ADAMTS20: variants seen among roughly 807,000 people sequenced by gnomAD.
The protein encoded by ADAMTS20 is A disintegrin and metalloproteinase with thrombospondin motifs 20.
ADAMTS20 carries 225 observed loss-of-function variants against 260.1 expected under a neutral mutation model. The ratio of observed to expected loss-of-function variants is 0.87; its 90% CI spans 0.78 to 0.97. The LOEUF (loss-of-function observed/expected upper bound fraction) is 0.97, where lower values mean the gene tolerates loss of function less well. Ranked by LOEUF, ADAMTS20 falls within the 50% of genes least tolerant of loss-of-function variation. The pLI is 0.00. For missense variants in ADAMTS20, 2,400 were observed against 2,337.7 expected (o/e 1.03, Z -0.55); for synonymous variants, 802 against 769.5 (o/e 1.04, Z -0.70).
At chr12:43,472,353 C>T (rs1255008388) in intron 7 of ADAMTS20, among the ~76,000 whole-genome samples, 3 of 150,196 alleles carry the variant, frequency 2.0e-5, no homozygotes, top group Admixed American at 1.3e-4. Context: ...ACCAAATCTA[C>T]GTCTGATTGG....
At chr12:43,472,253 G>T (rs1476628269) in intron 7 of ADAMTS20, among the ~76,000 whole-genome samples, 2 of 151,890 alleles carry the variant, frequency 1.3e-5, no homozygotes, top group Non-Finnish European at 2.9e-5. Flanking sequence ...AAGATGAAAT[G>T]AATGAAATGA....
At chr12:43,432,530 C>T in intron 20 of ADAMTS20, 62 bp from the exon 21 acceptor site, 1 of 1,597,100 alleles carries the variant, frequency 6.3e-7, no homozygotes, top group Non-Finnish European at 8.5e-7. Context: ...CAAAATTATA[C>T]TTCAGAGTAA....
At chr12:43,465,488 C>T (rs755451619) in intron 9 of ADAMTS20, among the ~76,000 whole-genome samples, 4 of 151,960 alleles carry the variant, frequency 2.6e-5, no homozygotes, top group Non-Finnish European at 5.9e-5. Flanking sequence ...GTCCGGTATG[C>T]AGAAAGCTCT....
chr12:43,444,913 T>A (rs567478325), intron 15 of ADAMTS20, among the ~76,000 whole-genome samples: 2 of 152,298 alleles, frequency 1.3e-5, no homozygotes, highest in African/African-American at 2.4e-5. Flanking sequence ...AGGCATCACA[T>A]TTTTAGTGTA....
chr12:43,536,324 T>C (rs1943294452), intron 2 of ADAMTS20, among the ~76,000 whole-genome samples: 1 of 152,130 alleles, frequency 6.6e-6, no homozygotes, highest in African/African-American at 2.4e-5. Context: ...ATACCAATTT[T>C]GATAAACTCT....
chr12:43,528,279 GA>G (rs1943169823), intron 3 of ADAMTS20, among the ~76,000 whole-genome samples: 1 of 88,346 alleles, frequency 1.1e-5, no homozygotes, highest in Non-Finnish European at 2.2e-5. Context: ...CATTTTCAAA[GA>G]ATTAGGAAAA....
chr12:43,442,360 C>T (rs536408660), intron 16 of ADAMTS20, among the ~76,000 whole-genome samples: 1 of 151,958 alleles, frequency 6.6e-6, no homozygotes, highest in African/African-American at 2.4e-5. Context: ...CAGATTCCAG[C>T]GATTCTCCTG....
chr12:43,369,994 G>C (rs1378310186), intron 36 of ADAMTS20, among the ~76,000 whole-genome samples: 2 of 152,094 alleles, frequency 1.3e-5, no homozygotes, highest in Non-Finnish European at 2.9e-5. Flanking sequence ...AAACAGGCTG[G>C]AAGGAACACT....
intron 31 of ADAMTS20, among the ~76,000 whole-genome samples, chr12:43,379,414 T>C (rs542808373): frequency 6.6e-6 from 1 of 152,256 alleles, no homozygotes; most frequent in East Asian, 1.9e-4. Flanking sequence ...ATTGTACACA[T>C]GTCCAGGTCT....
At chr12:43,436,201 A>G (rs576175971) in intron 18 of ADAMTS20, among the ~76,000 whole-genome samples, 2 of 152,360 alleles carry the variant, frequency 1.3e-5, no homozygotes, top group East Asian at 3.9e-4. Context: ...GGGAAAGTAA[A>G]TAAGCAACAA....
intron 35 of ADAMTS20, 52 bp from the exon 36 acceptor site, chr12:43,375,564 T>G: frequency 6.3e-7 from 1 of 1,589,696 alleles, no homozygotes; most frequent in Non-Finnish European, 8.6e-7. Context: ...GAGGCCATAA[T>G]GTAGACAAAC....
intron 11 of ADAMTS20, among the ~76,000 whole-genome samples, 193 bp downstream of exon 11, chr12:43,462,702 T>C (rs1382236343): frequency 1.3e-5 from 2 of 152,196 alleles, no homozygotes; most frequent in Non-Finnish European, 2.9e-5. Flanking sequence ...TCATCTGCCA[T>C]AGCTTAGAAA....
intron 3 of ADAMTS20, among the ~76,000 whole-genome samples, chr12:43,522,610 A>C (rs1168371854): frequency 6.6e-6 from 1 of 151,956 alleles, no homozygotes; most frequent in East Asian, 1.9e-4. Context: ...CCATAGCAGA[A>C]CTACACTTCA....
At position 43,490,406 on chromosome 12, in the gene ADAMTS20, C is replaced by T; in HGVS notation, c.1106G>A (p.Cys369Tyr). Reference sequence around the variant, plus strand: ...ACAAAATAACTTACCTAACATGTTACATTTCTCTTTAGATGAACAAATGTC... The same window carrying T: ...ACAAAATAACTTACCTAACATGTTATATTTCTCTTTAGATGAACAAATGTC... ...REDICSSKEK[C>Y]NMLGLSYLGT... is the part of the protein sequence containing the mutation. Residue 369 changes from cysteine to tyrosine, a missense_variant, in exon 7 of 39, where the codon TGT (cysteine) becomes TAT (tyrosine). By Grantham distance (194) the Cys-to-Tyr change is radical (BLOSUM62 -2). Coordinates refer to ENST00000389420, the MANE Select transcript of ADAMTS20 (RefSeq NM_025003.5). 2.3e-6 allele frequency: 3 copies of T among 1,277,100 alleles called. No individual in the cohort carries two copies. Among genetic ancestry groups the T allele is most frequent in the Non-Finnish European group, 3.2e-6 (3 of 943,004 alleles). 79.1% of individuals were successfully genotyped at this position (1,277,100 alleles called of 1,614,324 possible).
At chr12:43,548,928 A>G (rs1189348005) in intron 2 of ADAMTS20, among the ~76,000 whole-genome samples, 3 of 152,054 alleles carry the variant, frequency 2.0e-5, no homozygotes, top group Non-Finnish European at 4.4e-5. Flanking sequence ...AGCAAAGTAC[A>G]TAAATGGGAT....
chr12:43,494,888 A>T (rs1942655160), intron 4 of ADAMTS20, among the ~76,000 whole-genome samples: 2 of 152,334 alleles, frequency 1.3e-5, no homozygotes, highest in Admixed American at 6.5e-5. Flanking sequence ...GTAAAAGACA[A>T]ACCTCAAAGG....
At chr12:43,425,349 C>T (rs905632587) in intron 28 of ADAMTS20, among the ~76,000 whole-genome samples, 165 bp downstream of exon 28, 3 of 152,110 alleles carry the variant, frequency 2.0e-5, no homozygotes, top group Admixed American at 1.3e-4. Flanking sequence ...ATCTGTGCAG[C>T]GAACCACCAT....
intron 37 of ADAMTS20, among the ~76,000 whole-genome samples, chr12:43,359,490 T>A (rs1175820904): frequency 6.6e-6 from 1 of 152,212 alleles, no homozygotes; most frequent in Non-Finnish European, 1.5e-5. Context: ...TCTTTGTACA[T>A]ACGGAGAGTT....
chr12:43,368,134 C>T (rs986968230), intron 37 of ADAMTS20, among the ~76,000 whole-genome samples: 3 of 151,936 alleles, frequency 2.0e-5, no homozygotes, highest in Non-Finnish European at 4.4e-5. Flanking sequence ...TCCTCCTACT[C>T]CTAAATAGAT....
Sources: allele counts gnomAD v4.1 joint callset (sites outside exome capture counted in the v4.1 genomes callset), GRCh38; gene constraint gnomAD v4.1.1; transcripts MANE v1.5; gene names NCBI Gene and HGNC (gene_info 2026-07-23, HGNC 2026-07-21).